The following SAMD4A variants were observed in gnomAD, a reference collection of about 807,000 sequenced individuals.
SAMD4A encodes the protein sterile alpha motif domain containing 4A, also known as protein Smaug homolog 1.
A neutral mutation model predicts 81.3 loss-of-function variants in SAMD4A; 33 were observed. The ratio of observed to expected loss-of-function variants is 0.41; its 90% CI spans 0.31 to 0.54. SAMD4A has a LOEUF of 0.54. SAMD4A is among the 20% of genes least tolerant of loss of function. The probability of loss-of-function intolerance (pLI) is 0.37; values close to 1 mark genes in which losing one functional copy is unlikely to be tolerated. For missense variants in SAMD4A, 854 were observed against 951.1 expected (o/e 0.90, Z 1.34); for synonymous variants, 389 against 382.1 (o/e 1.02, Z -0.21).
chr14:54,655,250 A>T (rs1177495961), intron 2 of SAMD4A, among the ~76,000 whole-genome samples: 1 of 152,046 alleles, frequency 6.6e-6, no homozygotes, highest in Non-Finnish European at 1.5e-5. Context: ...TGTCCTTCCC[A>T]CAGCTGGAGG....
intron 2 of SAMD4A, among the ~76,000 whole-genome samples, chr14:54,587,682 A>G (rs1232782494): frequency 2.0e-5 from 3 of 152,242 alleles, no homozygotes; most frequent in Admixed American, 6.5e-5. Flanking sequence ...TATGTGGTAT[A>G]TCACATTTAT....
intron 4 of SAMD4A, among the ~76,000 whole-genome samples, chr14:54,738,342 C>T (rs1354159128): frequency 3.9e-5 from 6 of 152,080 alleles, no homozygotes; most frequent in African/African-American, 9.7e-5. Context: ...AAGGGAGCAC[C>T]GGACTGAAAA....
At chr14:54,742,525 T>G (rs1594885652) in intron 4 of SAMD4A, among the ~76,000 whole-genome samples, 1 of 152,170 alleles carries the variant, frequency 6.6e-6, no homozygotes, top group African/African-American at 2.4e-5. Context: ...GAAGCCAAGT[T>G]CATCTGAGGG....
Position 54,709,315 on chromosome 14 carries a change from G to GA in SAMD4A, c.715+6742dup, listed in dbSNP as rs148517739. 8.4e-3 allele frequency among the ~76,000 whole-genome samples: 1,113 copies of GA among 131,900 alleles called. 78 individuals are homozygous for GA. In the East Asian group the frequency reaches 0.16, roughly 19 times the overall value. The allele number at this position is 131,900 out of a possible 152,430, so 86.5% of individuals were successfully genotyped here. A position where few individuals can be genotyped will look rare whatever the true frequency, so the allele number is the denominator to read the frequency against. On this transcript the variant is annotated intron_variant, in intron 3 of 12. Coordinates refer to ENST00000554335, the MANE Select transcript of SAMD4A (RefSeq NM_015589.6). ...CAAACAAACAAAAAACAGAAGAAAAGAAAAAAATAGGTGCTATAGTTACAC... is the reference window on the plus strand; with the variant it reads ...CAAACAAACAAAAAACAGAAGAAAAGAAAAAAAATAGGTGCTATAGTTACAC...
At chr14:54,607,506 A>T (rs554684871) in intron 2 of SAMD4A, among the ~76,000 whole-genome samples, 35 of 148,028 alleles carry the variant, frequency 2.4e-4, no homozygotes, top group Admixed American at 5.4e-4. Flanking sequence ...CCCAGGCTGG[A>T]GTGCAGTGGC....
intron 2 of SAMD4A, among the ~76,000 whole-genome samples, chr14:54,579,248 G>T (rs761187895): frequency 3.9e-5 from 6 of 152,206 alleles, no homozygotes; most frequent in Non-Finnish European, 8.8e-5. Flanking sequence ...ATTAGATAAT[G>T]GGCTGACCTC....
chr14:54,588,354 A>AT (rs377251584), intron 2 of SAMD4A, among the ~76,000 whole-genome samples: 84 of 148,132 alleles, frequency 5.7e-4, no homozygotes, highest in Middle Eastern at 3.5e-3. Flanking sequence ...TATCTTTTGT[A>AT]TTTTTTTTTT....
intron 7 of SAMD4A, among the ~76,000 whole-genome samples, chr14:54,762,256 T>G (rs2038419446): frequency 6.6e-6 from 1 of 152,238 alleles, no homozygotes; most frequent in Non-Finnish European, 1.5e-5. Context: ...ACAAGACATC[T>G]TGATTATTTT....
chr14:54,757,944 G>A (rs1302666002), intron 6 of SAMD4A, among the ~76,000 whole-genome samples: 1 of 152,186 alleles, frequency 6.6e-6, no homozygotes, highest in African/African-American at 2.4e-5. Context: ...CACATCATCA[G>A]GTCAAGTCAA....
At chr14:54,776,014 T>TAA (rs2038834819) in intron 10 of SAMD4A, among the ~76,000 whole-genome samples, 1 of 85,014 alleles carries the variant, frequency 1.2e-5, no homozygotes, top group Non-Finnish European at 2.1e-5. Flanking sequence ...TGTAAGAATC[T>TAA]TAAAAAAAAA....
chr14:54,715,798 C>T (rs1252056477), intron 3 of SAMD4A, among the ~76,000 whole-genome samples: 5 of 152,010 alleles, frequency 3.3e-5, no homozygotes, highest in African/African-American at 1.2e-4. Context: ...AATTTAGAAA[C>T]GTATTAGAGT....
chr14:54,726,611 G>A (rs1484313748), intron 3 of SAMD4A, among the ~76,000 whole-genome samples: 4 of 152,148 alleles, frequency 2.6e-5, no homozygotes, highest in African/African-American at 9.7e-5. Context: ...CAAAGTTTGG[G>A]GGAAAGTACT....
intron 2 of SAMD4A, among the ~76,000 whole-genome samples, chr14:54,607,612 T>C (rs7144805): frequency 0.73 from 109,709 of 151,314 alleles, 39,965 homozygotes; most frequent in East Asian, 0.85. Context: ...CCCGCCACCA[T>C]GCCCGGCTAA....
chr14:54,673,848 C>G (rs1056059437), intron 2 of SAMD4A, among the ~76,000 whole-genome samples: 1 of 152,188 alleles, frequency 6.6e-6, no homozygotes, highest in Non-Finnish European at 1.5e-5. Context: ...TAATGGCTAT[C>G]GCTCTTAAAC....
intron 3 of SAMD4A, among the ~76,000 whole-genome samples, chr14:54,706,575 AGCCTGG>A (rs1464965294): frequency 1.3e-5 from 2 of 151,342 alleles, no homozygotes; most frequent in African/African-American, 4.8e-5. Flanking sequence ...ACTGTACTCC[AGCCTGG>A]GTGACAGAGC....
rs1346437347 is a variant in SAMD4A, at chr14:54,774,949, A to G, written c.1731A>G (p.Gln577=). The change falls in exon 10 of 13, where the codon CAA becomes CAG. Residue 577 remains glutamine, a synonymous_variant. Transcript: ENST00000554335. ...GCTCTCACAGTCGAGGCTTTGGGCA[A>G]TCCAACTCCCTCCCGACGGCTGGCT... ...YRQQRNRGFG[Q]SNSLPTAGSV... 1.2e-6 allele frequency: 2 copies of G among 1,614,012 alleles called. No individual in the cohort carries two copies. The highest frequency in any genetic ancestry group is 1.3e-5 in the African/African-American group (1 of 74,898).
At position 54,714,724 on chromosome 14, in the gene SAMD4A, C is replaced by G. The variant is rs994916913; in HGVS notation, c.715+12144C>G. On this transcript the variant is annotated intron_variant, in intron 3 of 12. Coordinates refer to ENST00000554335, the MANE Select transcript of SAMD4A (RefSeq NM_015589.6). ...TAAAGCACTTGCCAGTAGGATAGCC[C>G]TTATTGTTGTCGTTATTACTGCTGG... Among the ~76,000 whole-genome samples, 22 of 152,186 alleles carry G rather than the reference C, an allele frequency of 1.4e-4. No homozygotes were observed. In the East Asian group the frequency reaches 4.1e-3, roughly 28 times the overall value.
In SAMD4A at chr14:54,764,497, T is replaced by C. The variant is rs2038485729; in HGVS notation, c.1553T>C (p.Ile518Thr). The part of the protein sequence containing the change: ...LLVSRPDEEN[I>T]SSYLQLIDKC... ...GTCTCCAGACCTGATGAGGAAAATA[T>C]AAGTTCCTATTTACAGCTCATAGAC... The change falls in exon 8 of 13, where the codon ATA (isoleucine) becomes ACA (threonine). Residue 518 changes from isoleucine to threonine, a missense_variant. Around this residue, in one of 3 missense-constraint regions of SAMD4A, gnomAD observed 428 missense variants for 471.2 expected, o/e 0.91. Coordinates refer to ENST00000554335, the MANE Select transcript of SAMD4A (RefSeq NM_015589.6). The C allele has an allele frequency of 1.2e-6, 2 of 1,613,054 alleles. No homozygotes were observed. Among genetic ancestry groups the C allele is most frequent in the Non-Finnish European group, 1.7e-6 (2 of 1,179,300 alleles).
chr14:54,586,712 C>T (rs1401909012), intron 2 of SAMD4A, among the ~76,000 whole-genome samples: 1 of 152,016 alleles, frequency 6.6e-6, no homozygotes, highest in Non-Finnish European at 1.5e-5. Flanking sequence ...TTTTTGTTTG[C>T]TTTGTCGAAG....
Sources: allele counts gnomAD v4.1 joint callset (sites outside exome capture counted in the v4.1 genomes callset), GRCh38; gene constraint gnomAD v4.1.1; regional missense constraint gnomAD v4.1.1; transcripts MANE v1.5; gene names NCBI Gene and HGNC (gene_info 2026-07-23, HGNC 2026-07-21).